The following CTNND2 variants were observed in gnomAD, a reference collection of about 807,000 sequenced individuals.
CTNND2 encodes catenin delta 2.
CTNND2 carries 22 observed loss-of-function variants against 144.4 expected under a neutral mutation model. The ratio of observed to expected loss-of-function variants is 0.15; its 90% confidence interval spans 0.11 to 0.22. The LOEUF (loss-of-function observed/expected upper bound fraction) is 0.22, where lower values mean the gene tolerates loss of function less well. CTNND2 is among the 10% of genes least tolerant of loss of function. CTNND2 has a pLI of 1.00. For missense variants in CTNND2, 1,353 were observed against 1,618.8 expected (o/e 0.84, Z 2.82); for synonymous variants, 751 against 695.6 (o/e 1.08, Z -1.25).
At chr5:10,994,480 A>T in intron 18 of CTNND2, among the ~76,000 whole-genome samples, 1 of 35,218 alleles carries the variant, frequency 2.8e-5, no homozygotes. Context: ...GGGGGCGGGG[A>T]AGGAGGGGCG....
At chr5:11,444,524 AAAC>A (rs1764633850) in intron 3 of CTNND2, among the ~76,000 whole-genome samples, 1 of 152,166 alleles carries the variant, frequency 6.6e-6, no homozygotes, top group African/African-American at 2.4e-5. Flanking sequence ...CAACATGGCA[AAAC>A]CCCATCTCTA....
At chr5:11,508,894 G>A (rs191248674) in intron 3 of CTNND2, among the ~76,000 whole-genome samples, 5 of 151,270 alleles carry the variant, frequency 3.3e-5, no homozygotes, top group African/African-American at 1.2e-4. Context: ...CTGGGCAATA[G>A]AGTGAGACTC....
chr5:11,293,331 A>G (rs946994792), intron 9 of CTNND2, among the ~76,000 whole-genome samples: 21 of 152,176 alleles, frequency 1.4e-4, no homozygotes, highest in African/African-American at 4.8e-4. Context: ...CACTTAAGAT[A>G]TTCCCTTAAG....
chr5:11,797,922 A>G (rs1161752983), intron 1 of CTNND2, among the ~76,000 whole-genome samples: 1 of 152,164 alleles, frequency 6.6e-6, no homozygotes, highest in Non-Finnish European at 1.5e-5. Context: ...CTTTAGTTTA[A>G]AAGTACCACA....
At chr5:11,564,039 C>T (rs1192714505) in intron 3 of CTNND2, among the ~76,000 whole-genome samples, 1 of 152,120 alleles carries the variant, frequency 6.6e-6, no homozygotes, top group African/African-American at 2.4e-5. Flanking sequence ...TGATGCAATT[C>T]AGGATGGAGC....
intron 3 of CTNND2, among the ~76,000 whole-genome samples, chr5:11,554,796 C>T (rs545675343): frequency 7.9e-5 from 12 of 151,860 alleles, no homozygotes; most frequent in South Asian, 6.2e-4. Flanking sequence ...CAAGATACCA[C>T]GTTAACAAGT....
chr5:11,826,534 T>C (rs1251082725), intron 1 of CTNND2, among the ~76,000 whole-genome samples: 1 of 151,986 alleles, frequency 6.6e-6, no homozygotes, highest in Non-Finnish European at 1.5e-5. Flanking sequence ...ATGAATTAAA[T>C]ATCACCAAAT....
At chr5:11,386,755 C>T (rs1347751939) in intron 6 of CTNND2, among the ~76,000 whole-genome samples, 1 of 152,114 alleles carries the variant, frequency 6.6e-6, no homozygotes, top group East Asian at 1.9e-4. Flanking sequence ...GTTGTGTCCC[C>T]AGCAACTAGA....
intron 3 of CTNND2, among the ~76,000 whole-genome samples, chr5:11,475,358 A>G (rs1306266740): frequency 6.6e-6 from 1 of 152,208 alleles, no homozygotes; most frequent in African/African-American, 2.4e-5. Flanking sequence ...TTTATTCACC[A>G]AACTCCCTAA....
Position 11,393,017 on chromosome 5 carries a change from C to CGCA in CTNND2, c.612+4011_612+4013dup, listed in dbSNP as rs565671132. Among the ~76,000 whole-genome samples, 331 of 152,246 alleles carry CGCA rather than the reference C, an allele frequency of 2.2e-3. 3 individuals carry two copies. Among genetic ancestry groups the CGCA allele is most frequent in the African/African-American group, 7.7e-3 (321 of 41,548 alleles). ...CTTCCCCTCAGCCTTCACATCCACC[C>CGCA]GCATGAGTGTGCACCAATAAGCAAT... is the stretch of plus-strand genomic sequence containing the variant. On this transcript the variant is annotated intron_variant, in intron 6 of 21. Transcript: ENST00000304623.
chr5:11,232,302 C>G (rs1741117836), intron 10 of CTNND2, among the ~76,000 whole-genome samples: 1 of 147,184 alleles, frequency 6.8e-6, no homozygotes, highest in East Asian at 2.1e-4. Flanking sequence ...GATCCACTGA[C>G]AGCTTGCACC....
chr5:11,402,017 T>C (rs868309536), intron 5 of CTNND2, among the ~76,000 whole-genome samples: 4 of 152,216 alleles, frequency 2.6e-5, no homozygotes, highest in Non-Finnish European at 5.9e-5. Flanking sequence ...AACCTTATTG[T>C]AGGACTCTCC....
intron 3 of CTNND2, among the ~76,000 whole-genome samples, chr5:11,536,054 ATTTTT>A (rs1774191582): frequency 6.6e-6 from 1 of 152,076 alleles, no homozygotes; most frequent in Non-Finnish European, 1.5e-5. Flanking sequence ...CTTTTATTTT[ATTTTT>A]ATTTTCCATT....
intron 18 of CTNND2, among the ~76,000 whole-genome samples, chr5:11,017,323 C>T (rs964648144): frequency 6.6e-6 from 1 of 151,862 alleles, no homozygotes; most frequent in African/African-American, 2.4e-5. Context: ...TGGAGGTATG[C>T]GATATGAATT....
At chr5:11,785,983 C>T (rs889395175) in intron 1 of CTNND2, among the ~76,000 whole-genome samples, 3 of 152,164 alleles carry the variant, frequency 2.0e-5, no homozygotes, top group African/African-American at 4.8e-5. Flanking sequence ...CACACTGCTG[C>T]CGCTGTCACT....
chr5:11,476,902 T>C (rs1767798363), intron 3 of CTNND2, among the ~76,000 whole-genome samples: 1 of 152,110 alleles, frequency 6.6e-6, no homozygotes, highest in African/African-American at 2.4e-5. Context: ...AGAAAGGGAG[T>C]AGGTCTCTGT....
intron 3 of CTNND2, among the ~76,000 whole-genome samples, chr5:11,535,717 T>C (rs1307246297): frequency 6.6e-6 from 1 of 152,076 alleles, no homozygotes; most frequent in Non-Finnish European, 1.5e-5. Flanking sequence ...AGTGGGAAAA[T>C]TATACAATTC....
chr5:11,614,533 G>T (rs146273974), intron 2 of CTNND2, among the ~76,000 whole-genome samples: 3 of 152,186 alleles, frequency 2.0e-5, no homozygotes, highest in Non-Finnish European at 2.9e-5. Context: ...ACTCTTGGGC[G>T]TTTAACAAAG....
At chr5:11,900,518 A>C (rs1737773443) in intron 1 of CTNND2, among the ~76,000 whole-genome samples, 1 of 152,242 alleles carries the variant, frequency 6.6e-6, no homozygotes, top group Admixed American at 6.5e-5. Flanking sequence ...AATGTGATAG[A>C]AACTATTTAT....
Sources: gnomAD v4.1 joint callset for allele counts (sites outside exome capture counted in the v4.1 genomes callset) on GRCh38, gnomAD v4.1.1 for gene constraint, MANE v1.5 for transcripts, NCBI Gene and HGNC (gene_info 2026-07-23, HGNC 2026-07-21) for gene names.